The following DYRK1A variants were observed in gnomAD, a reference collection of about 807,000 sequenced individuals.
DYRK1A encodes the protein dual specificity tyrosine-phosphorylation-regulated kinase 1A.
A neutral mutation model predicts 79.7 loss-of-function variants in DYRK1A; 9 were observed. That is an observed-to-expected ratio of 0.11 (90% CI 0.07 to 0.20). The LOEUF is 0.20. DYRK1A is among the 10% of genes least tolerant of loss of function. The pLI is 1.00. For synonymous variants in DYRK1A, 349 were observed against 329.7 expected, an observed-to-expected ratio of 1.06 and a Z score of -0.63; for missense variants, 622 against 956.0, an observed-to-expected ratio of 0.65 and a Z score of 4.61.
chr21:37,409,664 C>A lies in DYRK1A; in HGVS notation c.-76-10635C>A, dbSNP rs6517414. Among the ~76,000 whole-genome samples, 212 of 152,040 alleles carry A rather than the reference C, an allele frequency of 1.4e-3. 1 individual carries two copies. Among genetic ancestry groups the A allele is most frequent in the African/African-American group, 4.9e-3 (203 of 41,484 alleles). ...AAGATGTATATATTTATAAAAATTG[C>A]GATACATTGAGAAGTATAATAAATT... is the stretch of plus-strand genomic sequence containing the variant. On this transcript the variant is annotated intron_variant, in intron 1 of 11. Coordinates refer to ENST00000647188, the MANE Select transcript of DYRK1A (RefSeq NM_001347721.2).
At chr21:37,468,133 G>A (rs750498257) in intron 2 of DYRK1A, among the ~76,000 whole-genome samples, 17 of 152,024 alleles carry the variant, frequency 1.1e-4, no homozygotes, top group Non-Finnish European at 7.4e-5. Flanking sequence ...TCTTTTAGAG[G>A]TAAGGTCTCT....
At chr21:37,458,680 T>G (rs145679397) in intron 2 of DYRK1A, among the ~76,000 whole-genome samples, 36 of 152,260 alleles carry the variant, frequency 2.4e-4, no homozygotes, top group African/African-American at 8.7e-4. Flanking sequence ...ATGTCTGTCT[T>G]CTGTAGAGCA....
intron 2 of DYRK1A, among the ~76,000 whole-genome samples, chr21:37,438,332 T>G (rs1353039270): frequency 1.3e-5 from 2 of 152,198 alleles, no homozygotes; most frequent in African/African-American, 4.8e-5. Context: ...GCCTAATTTA[T>G]TCATTTGTTC....
At chr21:37,482,778 C>T (rs1242476499) in intron 5 of DYRK1A, among the ~76,000 whole-genome samples, 1 of 152,128 alleles carries the variant, frequency 6.6e-6, no homozygotes, top group Non-Finnish European at 1.5e-5. Context: ...CCAAGGGGGC[C>T]ATTTCAGAGA....
At chr21:37,468,649 A>G (rs983766973) in intron 2 of DYRK1A, among the ~76,000 whole-genome samples, 7 of 152,200 alleles carry the variant, frequency 4.6e-5, no homozygotes, top group Admixed American at 6.5e-5. Flanking sequence ...TTAAGGATCA[A>G]TTGGATGTTA....
chr21:37,521,172 G>A lies in DYRK1A; in HGVS notation c.*8641G>A, dbSNP rs1423188825. 3 of 152,166 alleles carry A rather than the reference G, an allele frequency of 2.0e-5. No homozygotes were observed. The highest frequency in any genetic ancestry group is 6.5e-5 in the Admixed American group (1 of 15,278). The allele number at this position is 152,166 out of a possible 1,614,324, so 9.4% of individuals were successfully genotyped here. The stretch of plus-strand genomic sequence containing the variant: ...TTCTCCCCAGCTCGGTTTTGTTTGC[G>A]TATTAGAGTTCTGACCATCTTCACT... On this transcript the variant is annotated 3_prime_UTR_variant, in exon 12 of 12. Transcript: ENST00000647188.
chr21:37,479,362 A>G (rs1026919014), intron 4 of DYRK1A, among the ~76,000 whole-genome samples: 22 of 152,134 alleles, frequency 1.4e-4, no homozygotes, highest in African/African-American at 4.3e-4. Flanking sequence ...TCAATTTGTT[A>G]TTATCTGATA....
chr21:37,405,280 C>T (rs2148406482), intron 1 of DYRK1A, among the ~76,000 whole-genome samples: 1 of 152,276 alleles, frequency 6.6e-6, no homozygotes, highest in Non-Finnish European at 1.5e-5. Context: ...GGCTGCCATT[C>T]ATAAAGCAGC....
At chr21:37,417,538 T>TTCTTTTTTTTTC (rs372913876) in intron 1 of DYRK1A, among the ~76,000 whole-genome samples, 1 of 99,896 alleles carries the variant, frequency 1.0e-5, no homozygotes, top group African/African-American at 3.6e-5. Flanking sequence ...TCTTTTTTTT[T>TTCTTTTTTTTTC]TTTTTTTTTT....
intron 1 of DYRK1A, among the ~76,000 whole-genome samples, chr21:37,409,667 T>A (rs1394400975): frequency 6.6e-6 from 1 of 152,194 alleles, no homozygotes; most frequent in Non-Finnish European, 1.5e-5. Flanking sequence ...AAAATTGCGA[T>A]ACATTGAGAA....
chr21:37,490,161 GT>G lies in DYRK1A; in HGVS notation c.638-10del. 1.9e-6 allele frequency: 3 copies of G among 1,605,984 alleles called. No homozygotes were observed. The highest frequency in any genetic ancestry group is 2.6e-6 in the Non-Finnish European group (3 of 1,175,286). ...GGTATATATAATTTAAAATGAAACT[GT>G]TTTCTCTTTCAGTGCATTTGAAACG... On this transcript the variant is annotated splice_polypyrimidine_tract_variant and intron_variant, in intron 6 of 11. Transcript: ENST00000647188.
At chr21:37,396,190 AC>A (rs2148394090) in intron 1 of DYRK1A, among the ~76,000 whole-genome samples, 2 of 151,204 alleles carry the variant, frequency 1.3e-5, no homozygotes, top group Admixed American at 1.3e-4. Context: ...GTGGCTTTGG[AC>A]TTGGTATAAA....
At chr21:37,468,326 C>T (rs1174186832) in intron 2 of DYRK1A, among the ~76,000 whole-genome samples, 17 of 151,732 alleles carry the variant, frequency 1.1e-4, no homozygotes, top group Admixed American at 1.1e-3. Flanking sequence ...CCAGGCTGGT[C>T]TCAGACTCTC....
rs1044018590 is a variant in DYRK1A, at chr21:37,367,519, G to A, written c.-186G>A. On this transcript the variant is annotated 5_prime_UTR_variant, in exon 1 of 12. Transcript: ENST00000647188. ...GGAGCCGGAGCGCCGGGGGCGGAGA[G>A]AGGCTGCCGGGGCGGCGCTGGCTGC... 1.1e-4 allele frequency: 16 copies of A among 146,918 alleles called. No homozygotes were observed. The highest frequency in any genetic ancestry group is 3.7e-4 in the African/African-American group (15 of 40,476). 9.1% of individuals were successfully genotyped at this position (146,918 alleles called of 1,614,324 possible).
At chr21:37,468,718 A>T (rs1290843874) in intron 2 of DYRK1A, among the ~76,000 whole-genome samples, 1 of 151,724 alleles carries the variant, frequency 6.6e-6, no homozygotes. Flanking sequence ...ATGCAAATGG[A>T]TTTTGCATTT....
At chr21:37,386,014 A>G (rs536480838) in intron 1 of DYRK1A, among the ~76,000 whole-genome samples, 89 of 152,256 alleles carry the variant, frequency 5.8e-4, no homozygotes, top group African/African-American at 2.1e-3. Flanking sequence ...TGAGCACTTT[A>G]TAAACGTACA....
chr21:37,430,301 C>T (rs2050741925), intron 2 of DYRK1A: 11 of 969,848 alleles, frequency 1.1e-5, no homozygotes, highest in Non-Finnish European at 1.3e-5. Flanking sequence ...GAGAACTATA[C>T]TGGAAGAACA....
At position 37,413,714 on chromosome 21, in the gene DYRK1A, C is replaced by T. The variant is rs542774127; in HGVS notation, c.-76-6585C>T. On this transcript the variant is annotated intron_variant, in intron 1 of 11. Transcript: ENST00000647188. ...GCTTTGATTCCCAGAGCACCTAGAG[C>T]GTCATTGGGCCACCTCTTCTAAGTT... 3.3e-5 allele frequency among the ~76,000 whole-genome samples: 5 copies of T among 152,226 alleles called. No homozygotes were observed. In the South Asian group the frequency reaches 6.2e-4, roughly 19 times the overall value.
At position 37,473,152 on chromosome 21, in the gene DYRK1A, TGAAGAA is replaced by T. The variant is rs1334498597; in HGVS notation, c.207+273_207+278del. The stretch of plus-strand genomic sequence containing the variant: ...ATTTCTGAAGAATATTAAAGGATCT[TGAAGAA>T]AAAGCTTATTTTTATGGAAAGGTGG... On this transcript the variant is annotated intron_variant, in intron 3 of 11. Coordinates refer to ENST00000647188, the MANE Select transcript of DYRK1A (RefSeq NM_001347721.2). Among the ~76,000 whole-genome samples, 178 of 152,282 alleles carry T rather than the reference TGAAGAA, an allele frequency of 1.2e-3. 1 individual carries two copies. Among genetic ancestry groups the T allele is most frequent in the African/African-American group, 4.1e-3 (170 of 41,536 alleles).
Sources: gnomAD v4.1 joint callset for allele counts (sites outside exome capture counted in the v4.1 genomes callset) on GRCh38, gnomAD v4.1.1 for gene constraint, MANE v1.5 for transcripts, NCBI Gene and HGNC (gene_info 2026-07-23, HGNC 2026-07-21) for gene names.